The following ELF1 variants were observed in gnomAD, a reference collection of about 807,000 sequenced individuals.
ELF1 encodes ETS-related transcription factor Elf-1.
A neutral mutation model predicts 59.9 loss-of-function variants in ELF1; 24 were observed. The observed-to-expected ratio is 0.40, with a 90% CI of 0.29 to 0.56. The LOEUF is 0.56. ELF1 is among the 20% of genes least tolerant of loss of function. The probability of loss-of-function intolerance (pLI) is 0.44; values close to 1 mark genes in which losing one functional copy is unlikely to be tolerated. For synonymous variants in ELF1, 248 were observed against 266.2 expected (o/e 0.93, Z 0.67); for missense variants, 627 against 742.2 (o/e 0.84, Z 1.80).
chr13:40,965,872 T>C (rs1872146570), intron 2 of ELF1, among the ~76,000 whole-genome samples: 1 of 152,206 alleles, frequency 6.6e-6, no homozygotes. Flanking sequence ...ATATCAATAT[T>C]TGACCCCACA....
At chr13:40,970,173 G>A (rs1406898469) in intron 2 of ELF1, among the ~76,000 whole-genome samples, 1 of 152,196 alleles carries the variant, frequency 6.6e-6, no homozygotes, top group South Asian at 2.1e-4. Flanking sequence ...ATCAAGTGTC[G>A]TCAAGATTAA....
intron 1 of ELF1, among the ~76,000 whole-genome samples, chr13:40,997,162 T>C (rs1461431794): frequency 6.6e-6 from 1 of 152,226 alleles, no homozygotes; most frequent in Non-Finnish European, 1.5e-5. Flanking sequence ...TTATGATTCC[T>C]TGTGCACAAA....
Position 40,933,802 on chromosome 13 carries a change from G to A in ELF1, c.1483C>T (p.Pro495Ser). 2 of 1,614,278 alleles carry A rather than the reference G, an allele frequency of 1.2e-6. No homozygotes were observed. The highest frequency in any genetic ancestry group is 1.7e-6 in the Non-Finnish European group (2 of 1,180,050). The change falls in exon 9 of 9, where the codon CCT becomes TCT. Residue 495 changes from proline (P) to serine (S), a missense_variant. By Grantham distance (74) the Pro-to-Ser change is moderately conservative (BLOSUM62 -1). Transcript: ENST00000239882. Reference sequence around the variant, plus strand: ...TGGGCAGGGCCCAAGACAATTGAAGGAGGAGAGCCCGCCTTTTGTGACTGC... The same window carrying A: ...TGGGCAGGGCCCAAGACAATTGAAGAAGGAGAGCCCGCCTTTTGTGACTGC... ...MLQSQKAGSP[P>S]SIVLGPAQVQ... is the part of the protein sequence containing the mutation.
intron 1 of ELF1, among the ~76,000 whole-genome samples, chr13:41,015,679 G>C (rs1875317702): frequency 6.6e-6 from 1 of 152,084 alleles, no homozygotes; most frequent in Non-Finnish European, 1.5e-5. Flanking sequence ...TTACACCAAA[G>C]GTTGACAATT....
intron 1 of ELF1, among the ~76,000 whole-genome samples, chr13:41,045,763 TG>T (rs1310845127): frequency 1.3e-5 from 2 of 152,188 alleles, no homozygotes; most frequent in African/African-American, 4.8e-5. Flanking sequence ...TCTGTTGATT[TG>T]GGGTGGAGAG....
chr13:40,986,297 G>A (rs1873545295), intron 1 of ELF1, among the ~76,000 whole-genome samples: 1 of 152,224 alleles, frequency 6.6e-6, no homozygotes, highest in South Asian at 2.1e-4. Context: ...ATAGGTGTCA[G>A]TCTCAAGTCT....
intron 1 of ELF1, among the ~76,000 whole-genome samples, chr13:41,033,660 A>C (rs1477676616): frequency 2.0e-5 from 3 of 152,192 alleles, no homozygotes; most frequent in Admixed American, 1.3e-4. Flanking sequence ...CTGTGCATGC[A>C]AACTATCTAG....
intron 1 of ELF1, among the ~76,000 whole-genome samples, chr13:41,037,204 T>C (rs990950240): frequency 7.2e-5 from 11 of 152,168 alleles, no homozygotes; most frequent in Admixed American, 1.3e-4. Flanking sequence ...AAGTGTCATA[T>C]ACAATGTGCT....
At chr13:41,017,122 G>A (rs890630806) in intron 1 of ELF1, among the ~76,000 whole-genome samples, 6 of 150,582 alleles carry the variant, frequency 4.0e-5, no homozygotes, top group Non-Finnish European at 8.9e-5. Context: ...AAAACAAAAA[G>A]TTGTTGTAGA....
chr13:41,010,223 T>C (rs369411445), intron 1 of ELF1, among the ~76,000 whole-genome samples: 5 of 131,202 alleles, frequency 3.8e-5, no homozygotes, highest in Admixed American at 2.5e-4. Context: ...CTGGACAACA[T>C]AGCCAGACCG....
chr13:41,058,354 T>C (rs1877364877), intron 1 of ELF1, among the ~76,000 whole-genome samples: 1 of 152,118 alleles, frequency 6.6e-6, no homozygotes, highest in African/African-American at 2.4e-5. Flanking sequence ...TGATTCACAT[T>C]CCCCAACAGG....
intron 2 of ELF1, among the ~76,000 whole-genome samples, chr13:40,973,947 A>G (rs768289581): frequency 2.8e-4 from 43 of 152,320 alleles, no homozygotes; most frequent in South Asian, 1.0e-3. Context: ...CATTTACTAT[A>G]ACTGAATTGT....
chr13:40,956,589 A>G (rs890351014), intron 3 of ELF1, among the ~76,000 whole-genome samples: 3 of 150,556 alleles, frequency 2.0e-5, no homozygotes, highest in Admixed American at 6.6e-5. Flanking sequence ...AAAAAAAAAA[A>G]AAAAAGAAAG....
intron 1 of ELF1, among the ~76,000 whole-genome samples, chr13:41,047,552 C>T (rs1251282572): frequency 1.3e-5 from 2 of 152,140 alleles, no homozygotes; most frequent in Non-Finnish European, 2.9e-5. Flanking sequence ...CATTCCAGAC[C>T]CTGTGTGCCC....
At chr13:40,997,406 C>A (rs1405040084) in intron 1 of ELF1, among the ~76,000 whole-genome samples, 1 of 152,192 alleles carries the variant, frequency 6.6e-6, no homozygotes, top group East Asian at 1.9e-4. Context: ...TACAGGCACC[C>A]GCCACCACGC....
chr13:41,058,052 A>T (rs1464712845), intron 1 of ELF1, among the ~76,000 whole-genome samples: 1 of 151,990 alleles, frequency 6.6e-6, no homozygotes, highest in Non-Finnish European at 1.5e-5. Context: ...AAATGTACGG[A>T]CACAAAATAT....
intron 2 of ELF1, among the ~76,000 whole-genome samples, chr13:40,980,661 G>A (rs1873205073): frequency 6.6e-6 from 1 of 152,076 alleles, no homozygotes; most frequent in South Asian, 2.1e-4. Flanking sequence ...GCTACATCCT[G>A]AGATCAAACC....
At chr13:40,986,403 C>A (rs147706475) in intron 1 of ELF1, among the ~76,000 whole-genome samples, 1 of 152,324 alleles carries the variant, frequency 6.6e-6, no homozygotes, top group Non-Finnish European at 1.5e-5. Flanking sequence ...ATAACATGCA[C>A]TGAATTAACA....
At chr13:41,014,097 C>T (rs901467154) in intron 1 of ELF1, among the ~76,000 whole-genome samples, 5 of 152,012 alleles carry the variant, frequency 3.3e-5, no homozygotes, top group African/African-American at 7.2e-5. Flanking sequence ...GAACACAGGA[C>T]GAGGACAAAT....
Sources: allele counts gnomAD v4.1 joint callset (sites outside exome capture counted in the v4.1 genomes callset), GRCh38; gene constraint gnomAD v4.1.1; transcripts MANE v1.5; gene names NCBI Gene and HGNC (gene_info 2026-07-23, HGNC 2026-07-21).